MTUS1: variants seen among roughly 807,000 people sequenced by gnomAD.
MTUS1 encodes microtubule-associated tumor suppressor 1.
MTUS1 carries 109 observed loss-of-function variants against 120.8 expected under a neutral mutation model. That is an observed-to-expected ratio of 0.90 (90% CI 0.77 to 1.06). The LOEUF (loss-of-function observed/expected upper bound fraction) is 1.06, where lower values mean the gene tolerates loss of function less well. MTUS1 is among the 50% of genes least tolerant of loss of function. The pLI is 0.00. For synonymous variants in MTUS1, 737 were observed against 550.5 expected (o/e 1.34, Z -4.74); for missense variants, 2,210 against 1,486.3 (o/e 1.49, Z -8.01).
chr8:17,676,962 G>C (rs747617946), intron 7 of MTUS1, among the ~76,000 whole-genome samples: 1 of 152,172 alleles, frequency 6.6e-6, no homozygotes, highest in Non-Finnish European at 1.5e-5. Context: ...TCACCTCTCA[G>C]TAAGAGCTAC....
intron 1 of MTUS1, among the ~76,000 whole-genome samples, chr8:17,795,847 G>T (rs776376113): frequency 2.6e-5 from 4 of 152,028 alleles, no homozygotes; most frequent in African/African-American, 9.7e-5. Context: ...TGTTAGCCAA[G>T]CTGGTCTCAA....
intron 3 of MTUS1, among the ~76,000 whole-genome samples, chr8:17,726,288 G>T (rs1236732132): frequency 6.6e-6 from 1 of 152,172 alleles, no homozygotes; most frequent in Non-Finnish European, 1.5e-5. Context: ...GGACCTCTCT[G>T]TGAGCTTATC....
chr8:17,765,678 CCACACACACA>C (rs60406848), intron 1 of MTUS1, among the ~76,000 whole-genome samples: 76 of 130,162 alleles, frequency 5.8e-4, no homozygotes, highest in East Asian at 2.2e-3. Context: ...AATACAGACA[CCACACACACA>C]CACACACACA....
At chr8:17,647,864 G>C (rs911508936) in intron 13 of MTUS1, among the ~76,000 whole-genome samples, 1 of 152,214 alleles carries the variant, frequency 6.6e-6, no homozygotes, top group South Asian at 2.1e-4. Context: ...GCTCCGTCAG[G>C]ATTAAGTCTA....
chr8:17,663,246 C>A (rs1810163581), intron 8 of MTUS1, among the ~76,000 whole-genome samples: 1 of 152,178 alleles, frequency 6.6e-6, no homozygotes, highest in African/African-American at 2.4e-5. Flanking sequence ...AATTAGTCCT[C>A]ATGGCTTTTT....
chr8:17,763,184 G>T (rs992713502), intron 1 of MTUS1, among the ~76,000 whole-genome samples: 1 of 151,980 alleles, frequency 6.6e-6, no homozygotes, highest in Non-Finnish European at 1.5e-5. Context: ...TAGAGGCAAG[G>T]TTTCACCATC....
At chr8:17,777,084 G>A (rs897251213) in intron 1 of MTUS1, among the ~76,000 whole-genome samples, 2 of 152,010 alleles carry the variant, frequency 1.3e-5, no homozygotes, top group East Asian at 1.9e-4. Flanking sequence ...ATTAGCCCTC[G>A]TGCAGACACT....
At chr8:17,768,507 G>C (rs765809306) in intron 1 of MTUS1, among the ~76,000 whole-genome samples, 1 of 148,428 alleles carries the variant, frequency 6.7e-6, no homozygotes, top group Admixed American at 6.9e-5. Context: ...AGAAAGCTAT[G>C]AGAGAAACTC....
intron 1 of MTUS1, among the ~76,000 whole-genome samples, chr8:17,775,367 A>C (rs1212135854): frequency 6.6e-6 from 1 of 152,140 alleles, no homozygotes; most frequent in Non-Finnish European, 1.5e-5. Flanking sequence ...AATAGGAGAA[A>C]AATACCGTAC....
At chr8:17,789,431 A>G (rs1240935888) in intron 1 of MTUS1, among the ~76,000 whole-genome samples, 1 of 151,380 alleles carries the variant, frequency 6.6e-6, no homozygotes, top group Non-Finnish European at 1.5e-5. Context: ...TGGGCAGGGC[A>G]GAGTTTACAG....
intron 7 of MTUS1, among the ~76,000 whole-genome samples, chr8:17,678,537 G>C (rs1386209101): frequency 6.6e-6 from 1 of 152,102 alleles, no homozygotes; most frequent in African/African-American, 2.4e-5. Flanking sequence ...ATTTTTGCTA[G>C]CCACTGAGTA....
At chr8:17,658,615 A>G (rs1412699075) in intron 8 of MTUS1, among the ~76,000 whole-genome samples, 1 of 152,218 alleles carries the variant, frequency 6.6e-6, no homozygotes, top group Admixed American at 6.5e-5. Context: ...GGTTGCTGGC[A>G]AATCTGTTAA....
At chr8:17,739,733 T>A (rs1361521796) in intron 3 of MTUS1, among the ~76,000 whole-genome samples, 1 of 152,156 alleles carries the variant, frequency 6.6e-6, no homozygotes, top group African/African-American at 2.4e-5. Context: ...AATTTATAGA[T>A]GAAATTACTA....
chr8:17,646,918 G>A, intron 14 of MTUS1, 64 bp downstream of exon 14: 1 of 1,234,460 alleles, frequency 8.1e-7, no homozygotes, highest in South Asian at 1.2e-5. Context: ...AGCGTGTCCA[G>A]AAAGTACACT....
At chr8:17,779,067 G>A (rs574900756) in intron 1 of MTUS1, among the ~76,000 whole-genome samples, 3 of 152,208 alleles carry the variant, frequency 2.0e-5, no homozygotes, top group East Asian at 1.9e-4. Flanking sequence ...TTGCTATTAC[G>A]GGATTAGGGG....
chr8:17,750,616 G>A (rs975558716), intron 2 of MTUS1, among the ~76,000 whole-genome samples: 1 of 152,164 alleles, frequency 6.6e-6, no homozygotes, highest in African/African-American at 2.4e-5. Flanking sequence ...CCTCGCTGAA[G>A]TATTAAAATG....
At chr8:17,779,066 C>T (rs772901384) in intron 1 of MTUS1, among the ~76,000 whole-genome samples, 40 of 152,040 alleles carry the variant, frequency 2.6e-4, no homozygotes, top group Non-Finnish European at 4.1e-4. Context: ...ATTGCTATTA[C>T]GGGATTAGGG....
At chr8:17,765,232 C>T (rs964827102) in intron 1 of MTUS1, among the ~76,000 whole-genome samples, 1 of 152,174 alleles carries the variant, frequency 6.6e-6, no homozygotes, top group Admixed American at 6.5e-5. Context: ...TGAACACAGA[C>T]GAAGCTTTGC....
intron 3 of MTUS1, among the ~76,000 whole-genome samples, chr8:17,742,662 A>AAAT (rs1055901079): frequency 9.9e-5 from 15 of 152,040 alleles, no homozygotes; most frequent in African/African-American, 3.6e-4. Context: ...GCCTGAATCT[A>AAAT]AATAAACAGC....
Sources: allele counts gnomAD v4.1 joint callset (sites outside exome capture counted in the v4.1 genomes callset), GRCh38; gene constraint gnomAD v4.1.1; transcripts MANE v1.5; gene names NCBI Gene and HGNC (gene_info 2026-07-23, HGNC 2026-07-21).